EPHA6: variants seen among roughly 807,000 people sequenced by gnomAD.
EPHA6 encodes the protein ephrin type-A receptor 6.
In EPHA6, 50 loss-of-function variants were observed where a neutral mutation model predicts 112.0. The ratio of observed to expected loss-of-function variants is 0.45; its 90% CI spans 0.36 to 0.56. The LOEUF (loss-of-function observed/expected upper bound fraction) is 0.56, where lower values mean the gene tolerates loss of function less well. Among genes scored for constraint, EPHA6 ranks in the 20% least tolerant of loss-of-function variants. EPHA6 has a pLI of 0.00. For missense variants in EPHA6, 1,280 were observed against 1,417.4 expected (o/e 0.90, Z 1.56); for synonymous variants, 529 against 490.7 (o/e 1.08, Z -1.03).
intron 2 of EPHA6, among the ~76,000 whole-genome samples, chr3:96,895,855 AG>A (rs1240730138): frequency 1.3e-5 from 2 of 152,192 alleles, no homozygotes; most frequent in Non-Finnish European, 2.9e-5. Context: ...GTCTTCACAC[AG>A]GCTTCTTATA....
chr3:96,882,438 T>A (rs1409116158), intron 2 of EPHA6, among the ~76,000 whole-genome samples: 1 of 152,184 alleles, frequency 6.6e-6, no homozygotes, highest in African/African-American at 2.4e-5. Context: ...TGTGAGATTT[T>A]GGTGCACCTA....
chr3:97,083,051 T>G (rs1401379319), intron 3 of EPHA6, among the ~76,000 whole-genome samples: 2 of 151,922 alleles, frequency 1.3e-5, no homozygotes, highest in Non-Finnish European at 2.9e-5. Context: ...TATCTATAAC[T>G]CAGATCTACC....
chr3:97,549,498 T>C (rs1439212460), intron 11 of EPHA6, among the ~76,000 whole-genome samples: 1 of 152,168 alleles, frequency 6.6e-6, no homozygotes, highest in Admixed American at 6.5e-5. Flanking sequence ...ATCTGCTTCA[T>C]TGGAGGCAGC....
At chr3:97,193,836 A>G (rs899479950) in intron 3 of EPHA6, among the ~76,000 whole-genome samples, 7 of 151,860 alleles carry the variant, frequency 4.6e-5, no homozygotes, top group African/African-American at 1.7e-4. Context: ...GTTGTTTGAG[A>G]GTTTCTATCA....
chr3:96,925,549 C>G (rs1263389534), intron 2 of EPHA6, among the ~76,000 whole-genome samples: 1 of 150,028 alleles, frequency 6.7e-6, no homozygotes, highest in African/African-American at 2.4e-5. Flanking sequence ...ATTAGTCTAG[C>G]TGGTGGTCAT....
At chr3:96,906,279 G>A (rs989346723) in intron 2 of EPHA6, among the ~76,000 whole-genome samples, 1 of 151,932 alleles carries the variant, frequency 6.6e-6, no homozygotes, top group African/African-American at 2.4e-5. Context: ...AGATCCTGCA[G>A]TCTCAGATTT....
chr3:96,839,070 T>C (rs897575987), intron 1 of EPHA6, among the ~76,000 whole-genome samples: 1 of 152,180 alleles, frequency 6.6e-6, no homozygotes, highest in African/African-American at 2.4e-5. Flanking sequence ...TGAGTTTTTA[T>C]GTAGTGATTT....
At chr3:97,406,220 T>C (rs1375509658) in intron 6 of EPHA6, among the ~76,000 whole-genome samples, 1 of 152,118 alleles carries the variant, frequency 6.6e-6, no homozygotes, top group Non-Finnish European at 1.5e-5. Context: ...CTTTCTTAGT[T>C]TATTTTGTCT....
intron 10 of EPHA6, among the ~76,000 whole-genome samples, chr3:97,515,161 A>G (rs1022935417): frequency 5.9e-5 from 9 of 152,212 alleles, no homozygotes; most frequent in Admixed American, 5.2e-4. Context: ...AGAACCATAC[A>G]TTACTAATAA....
intron 14 of EPHA6, among the ~76,000 whole-genome samples, chr3:97,644,814 A>G (rs2094043200): frequency 6.6e-6 from 1 of 152,038 alleles, no homozygotes; most frequent in Admixed American, 6.5e-5. Context: ...CCAACCAAAA[A>G]GAGTCCAGGA....
intron 10 of EPHA6, among the ~76,000 whole-genome samples, chr3:97,492,284 T>A (rs143429099): frequency 0.023 from 3,530 of 151,970 alleles, 131 homozygotes; most frequent in African/African-American, 0.078. Context: ...GGCTCACACC[T>A]GTAATCCCAG....
intron 3 of EPHA6, among the ~76,000 whole-genome samples, chr3:96,995,151 A>G (rs2043373692): frequency 1.3e-5 from 2 of 152,168 alleles, no homozygotes; most frequent in Admixed American, 1.3e-4. Context: ...TTCATGGCGC[A>G]ATCCTCTGCT....
rs943740538 is a variant in EPHA6, at chr3:97,475,286, A to C, written c.1895-66A>C. 5 of 1,190,276 alleles carry C rather than the reference A, an allele frequency of 4.2e-6. No individual in the cohort carries two copies. The African/African-American group carries it at 6.2e-5, about 15-fold the overall frequency. The allele number at this position is 1,190,276 out of a possible 1,614,324, so 73.7% of individuals were successfully genotyped here. A position where few individuals can be genotyped will look rare whatever the true frequency, so the allele number is the denominator to read the frequency against. On this transcript the variant is annotated intron_variant, in intron 7 of 17. Coordinates refer to ENST00000389672, the MANE Select transcript of EPHA6 (RefSeq NM_001080448.3). ...TATTGTATTTTCTAGTGTAAACTAAATTGTAAAATGGTTTTAATAGTGAAA... is the reference window on the plus strand; with the variant it reads ...TATTGTATTTTCTAGTGTAAACTAACTTGTAAAATGGTTTTAATAGTGAAA...
chr3:97,351,116 C>A (rs544566752), intron 5 of EPHA6, among the ~76,000 whole-genome samples: 3 of 152,186 alleles, frequency 2.0e-5, no homozygotes, highest in Admixed American at 6.5e-5. Flanking sequence ...TTACAAGGGA[C>A]CAAAAAAATG....
chr3:97,037,793 T>G (rs1385838925), intron 3 of EPHA6, among the ~76,000 whole-genome samples: 1 of 152,024 alleles, frequency 6.6e-6, no homozygotes, highest in Non-Finnish European at 1.5e-5. Flanking sequence ...TAAGCTAATA[T>G]TTGCAGATGA....
chr3:97,294,724 T>C (rs1559858338), intron 5 of EPHA6, among the ~76,000 whole-genome samples: 2 of 152,198 alleles, frequency 1.3e-5, no homozygotes, highest in African/African-American at 4.8e-5. Context: ...TCATGTATTT[T>C]TATAATAATA....
intron 1 of EPHA6, among the ~76,000 whole-genome samples, chr3:96,863,718 G>T (rs1043471547): frequency 4.0e-5 from 6 of 151,870 alleles, no homozygotes; most frequent in Admixed American, 2.0e-4. Context: ...GAACAAAGCA[G>T]GCTTAATATG....
intron 1 of EPHA6, among the ~76,000 whole-genome samples, chr3:96,862,263 A>C (rs1576171120): frequency 1.3e-5 from 2 of 152,034 alleles, no homozygotes; most frequent in East Asian, 1.9e-4. Flanking sequence ...GAGGTAGTAG[A>C]GTGTTACAGT....
chr3:97,348,437 T>C (rs985511292), intron 5 of EPHA6, among the ~76,000 whole-genome samples: 18 of 152,102 alleles, frequency 1.2e-4, no homozygotes, highest in Admixed American at 1.0e-3. Context: ...CTTACTTCCT[T>C]CCAAGTTATT....
Sources: gnomAD v4.1 joint callset for allele counts (sites outside exome capture counted in the v4.1 genomes callset) on GRCh38, gnomAD v4.1.1 for gene constraint, MANE v1.5 for transcripts, NCBI Gene and HGNC (gene_info 2026-07-23, HGNC 2026-07-21) for gene names.